TG: variants seen among roughly 807,000 people sequenced by gnomAD.
TG encodes the protein thyroid hormones.
In TG, 270 loss-of-function variants were observed where a neutral mutation model predicts 324.7. The observed-to-expected ratio is 0.83, with a 90% confidence interval of 0.75 to 0.92. The LOEUF (loss-of-function observed/expected upper bound fraction) is 0.92. TG is among the 40% of genes least tolerant of loss of function. The pLI is 0.00. For synonymous variants in TG, 1,401 were observed against 1,327.0 expected (o/e 1.06, Z -1.21); for missense variants, 3,591 against 3,456.4 (o/e 1.04, Z -0.98).
chr8:132,896,265 C>T (rs566109311), intron 11 of TG, among the ~76,000 whole-genome samples: 34 of 152,326 alleles, frequency 2.2e-4, no homozygotes, highest in African/African-American at 6.3e-4. Flanking sequence ...GGCGCAGTGC[C>T]GGGATTCAGA....
At chr8:133,060,006 A>G (rs2131325456) in intron 41 of TG, 1 of 1,325,632 alleles carries the variant, frequency 7.5e-7, no homozygotes. Flanking sequence ...CCATTGCCCC[A>G]TTTAAGTAGT....
chr8:133,017,842 G>A lies in TG; in HGVS notation c.6627G>A (p.Leu2209=). Residue 2209 remains leucine (L), a synonymous_variant, in exon 38 of 48, where the codon CTG becomes CTA. Coordinates refer to ENST00000220616, the MANE Select transcript of TG (RefSeq NM_003235.5). ...PSVPISTHGR[L]LGRSQAIQVG... ...TGCCCATTTCCACCCATGGCCGGCTGCTGGGCAGGTCCCAGGCCATCCAGG... is the reference window on the plus strand; with the variant it reads ...TGCCCATTTCCACCCATGGCCGGCTACTGGGCAGGTCCCAGGCCATCCAGG... 1 of 1,614,188 alleles carries A rather than the reference G, an allele frequency of 6.2e-7. No individual in the cohort carries two copies.
At chr8:132,947,370 G>A (rs148201639) in intron 26 of TG, among the ~76,000 whole-genome samples, 1 of 152,224 alleles carries the variant, frequency 6.6e-6, no homozygotes, top group Non-Finnish European at 1.5e-5. Flanking sequence ...AAGCATCCTT[G>A]TTCAGAAACC....
Position 133,095,147 on chromosome 8 carries a change from A to G in TG, c.7343A>G (p.Gln2448Arg). 1.2e-6 allele frequency: 2 copies of G among 1,614,242 alleles called. No individual in the cohort carries two copies. The highest frequency in any genetic ancestry group is 1.7e-6 in the Non-Finnish European group (2 of 1,180,032). The change falls in exon 42 of 48, where the codon CAA becomes CGA. Residue 2448 changes from glutamine (Q) to arginine (R), a missense_variant. Gln to Arg is a conservative substitution (Grantham distance 43, BLOSUM62 1). Coordinates refer to ENST00000220616, the MANE Select transcript of TG (RefSeq NM_003235.5). ...KEVSCPMSSS[Q>R]EVVSCLRQKP... is the part of the protein sequence containing the mutation. ...GTCAGTTGCCCCATGTCATCCAGCC[A>G]AGAAGTGGTGTCCTGCCTCCGCCAG...
intron 35 of TG, among the ~76,000 whole-genome samples, chr8:132,985,579 T>C (rs10103821): frequency 0.58 from 88,871 of 152,074 alleles, 27,330 homozygotes; most frequent in African/African-American, 0.75. Flanking sequence ...ATTATGGCCA[T>C]GTAAATATGG....
rs748169667 is a variant in TG at position 132,911,555 on chromosome 8, C to T, written c.4159+22C>T. ...ATTGGTATGTTTTTCTGTGGTAGTA[C>T]CTAGAATAAGCTATGCAGCCTCTCT... On this transcript the variant is annotated intron_variant, in intron 19 of 47. Transcript: ENST00000220616. 8 of 1,595,486 alleles carry T rather than the reference C, an allele frequency of 5.0e-6. No individual in the cohort carries two copies. The East Asian group carries it at 1.1e-4, about 22-fold the overall frequency.
At chr8:133,051,759 G>T (rs1840454939) in intron 41 of TG, among the ~76,000 whole-genome samples, 1 of 152,152 alleles carries the variant, frequency 6.6e-6, no homozygotes, top group Non-Finnish European at 1.5e-5. Flanking sequence ...TAGATGCAGG[G>T]TAATATTTGG....
chr8:132,919,612 A>G, intron 21 of TG, 87 bp downstream of exon 21: 3 of 1,561,246 alleles, frequency 1.9e-6, no homozygotes, highest in Non-Finnish European at 2.6e-6. Flanking sequence ...CACTATTGAC[A>G]TTTTGGGACA....
intron 41 of TG, chr8:133,090,143 A>G (rs532526835): frequency 6.6e-6 from 1 of 152,364 alleles, no homozygotes; most frequent in Non-Finnish European, 1.5e-5. Context: ...CAAAAGAAAT[A>G]CAAGGTTGAT....
chr8:132,917,470 A>C (rs1820507179), intron 20 of TG, among the ~76,000 whole-genome samples: 1 of 152,154 alleles, frequency 6.6e-6, no homozygotes, highest in Non-Finnish European at 1.5e-5. Context: ...GTATAAATGC[A>C]GGGAGTCAAG....
rs1188814693 is a variant in TG at position 132,908,241 on chromosome 8, G to A, written c.3903G>A (p.Pro1301=). The change falls in exon 18 of 48, where the codon CCG becomes CCA. Residue 1301 remains proline (P), a synonymous_variant. Transcript: ENST00000220616. ...QTQGHFQLQL[P]PGKMCSADYA... ...AAGGGCACTTTCAGCTCCAGCTCCC[G>A]CCGGGCAAGATGTGCAGTGCTGACT... 2.5e-6 allele frequency: 4 copies of A among 1,613,936 alleles called. No individual in the cohort carries two copies. Among genetic ancestry groups the A allele is most frequent in the Admixed American group, 3.3e-5 (2 of 60,002 alleles).
At chr8:132,895,244 G>C (rs1454408019) in intron 11 of TG, among the ~76,000 whole-genome samples, 1 of 152,202 alleles carries the variant, frequency 6.6e-6, no homozygotes, top group Non-Finnish European at 1.5e-5. Context: ...TAGCTTTCTA[G>C]GCTTGAGTCA....
intron 41 of TG, chr8:133,045,261 T>C: frequency 6.8e-6 from 5 of 732,518 alleles, no homozygotes; most frequent in Non-Finnish European, 9.3e-6. Flanking sequence ...CTCCCTCCAC[T>C]AGACCCTTCT....
chr8:133,132,009 A>C (rs1342986530), intron 46 of TG, 63 bp downstream of exon 46: 4 of 1,609,584 alleles, frequency 2.5e-6, no homozygotes. Flanking sequence ...TCCTTCAAGC[A>C]GAACGCAAAG....
intron 13 of TG, 71 bp downstream of exon 13, chr8:132,898,317 T>G (rs938603936): frequency 4.3e-5 from 63 of 1,454,178 alleles, no homozygotes; most frequent in Non-Finnish European, 5.8e-5. Context: ...CAGCTGTGGT[T>G]GCCTAACCGC....
intron 41 of TG, chr8:133,047,009 T>G (rs1278798190): frequency 1.3e-5 from 2 of 152,156 alleles, no homozygotes; most frequent in Non-Finnish European, 2.9e-5. Context: ...TTAAAAAAGT[T>G]ATTATTATTA....
chr8:132,899,615 A>G (rs746172074), intron 14 of TG, among the ~76,000 whole-genome samples: 14 of 152,240 alleles, frequency 9.2e-5, no homozygotes, highest in Non-Finnish European at 2.1e-4. Flanking sequence ...ACTTAAGCAT[A>G]GTTTCATAGA....
intron 5 of TG, among the ~76,000 whole-genome samples, chr8:132,875,227 C>A (rs1839848966): frequency 6.6e-6 from 1 of 152,192 alleles, no homozygotes; most frequent in African/African-American, 2.4e-5. Flanking sequence ...GTTAGAATTT[C>A]CCCCTCCAGG....
At chr8:132,967,000 C>T (rs1197683604) in intron 30 of TG, among the ~76,000 whole-genome samples, 2 of 150,912 alleles carry the variant, frequency 1.3e-5, no homozygotes, top group Non-Finnish European at 3.0e-5. Context: ...ATCCATCTAC[C>T]CATTTATCCA....
Sources: gnomAD v4.1 joint callset for allele counts (sites outside exome capture counted in the v4.1 genomes callset) on GRCh38, gnomAD v4.1.1 for gene constraint, MANE v1.5 for transcripts, NCBI Gene and HGNC (gene_info 2026-07-23, HGNC 2026-07-21) for gene names.